CLEC16A: variants seen among roughly 807,000 people sequenced by gnomAD.
CLEC16A encodes the protein protein CLEC16A.
In CLEC16A, 51 loss-of-function variants were observed where a neutral mutation model predicts 109.5. The observed-to-expected ratio is 0.47, with a 90% CI of 0.37 to 0.59. The LOEUF (loss-of-function observed/expected upper bound fraction) is 0.59, where lower values mean the gene tolerates loss of function less well. Among genes scored for constraint, CLEC16A ranks in the 20% least tolerant of loss-of-function variants. The pLI, the probability that CLEC16A is intolerant of heterozygous loss-of-function variation, is 0.00. For missense variants in CLEC16A, 1,339 were observed against 1,394.0 expected, an observed-to-expected ratio of 0.96 and a Z score of 0.63; for synonymous variants, 673 against 564.2, an observed-to-expected ratio of 1.19 and a Z score of -2.73.
chr16:11,099,133 CA>C (rs760950284), intron 19 of CLEC16A, among the ~76,000 whole-genome samples: 18 of 152,258 alleles, frequency 1.2e-4, no homozygotes, highest in Non-Finnish European at 1.9e-4. Context: ...CAGAGCGCCC[CA>C]TTCCTTCCAG....
intron 19 of CLEC16A, among the ~76,000 whole-genome samples, chr16:11,083,811 G>A (rs1337178976): frequency 6.6e-6 from 1 of 152,222 alleles, no homozygotes; most frequent in Non-Finnish European, 1.5e-5. Flanking sequence ...GGGAGGCAGG[G>A]AGGCTGGCCC....
intron 19 of CLEC16A, among the ~76,000 whole-genome samples, chr16:11,068,378 C>G (rs1019090472): frequency 6.6e-6 from 1 of 152,126 alleles, no homozygotes. Flanking sequence ...ATCGTAAAAA[C>G]CTAGCTATCA....
Position 11,112,246 on chromosome 16 carries a change from T to G in CLEC16A, c.2117-8369T>G, listed in dbSNP as rs79135577. Among the ~76,000 whole-genome samples, 289 of 152,316 alleles carry G rather than the reference T, an allele frequency of 1.9e-3. 3 individuals carry two copies. The East Asian group carries it at 0.048, about 25-fold the overall frequency. ...AACAAGAGCCCGTGCAGTGGTTGCCTCTGCAGAGGGGCACAGGAGACACTT... is the reference window on the plus strand; with the variant it reads ...AACAAGAGCCCGTGCAGTGGTTGCCGCTGCAGAGGGGCACAGGAGACACTT... On this transcript the variant is annotated intron_variant, in intron 19 of 23. Coordinates refer to ENST00000409790, the MANE Select transcript of CLEC16A (RefSeq NM_015226.3).
At chr16:11,015,181 G>T (rs1194460715) in intron 11 of CLEC16A, among the ~76,000 whole-genome samples, 4 of 152,192 alleles carry the variant, frequency 2.6e-5, no homozygotes, top group Non-Finnish European at 5.9e-5. Flanking sequence ...AGAAAATTAA[G>T]TGGAGCCACT....
At position 11,021,737 on chromosome 16, in the gene CLEC16A, C is replaced by T. The variant is rs550004998; in HGVS notation, c.1436+1412C>T. 1.6e-4 allele frequency among the ~76,000 whole-genome samples: 24 copies of T among 152,244 alleles called. No individual in the cohort carries two copies. The South Asian group carries it at 5.0e-3, about 32-fold the overall frequency. ...GCTTGAGCCAGAGAGGTCAAGGCTG[C>T]AATGCACTATGATTGCACCACTGCA... is the stretch of plus-strand genomic sequence containing the variant. On this transcript the variant is annotated intron_variant, in intron 12 of 23. Coordinates refer to ENST00000409790, the MANE Select transcript of CLEC16A (RefSeq NM_015226.3).
chr16:10,980,902 C>G (rs1006144183), intron 9 of CLEC16A, among the ~76,000 whole-genome samples: 1 of 152,200 alleles, frequency 6.6e-6, no homozygotes, highest in Non-Finnish European at 1.5e-5. Context: ...AATTATTTTA[C>G]AAGCATAGCT....
intron 22 of CLEC16A, among the ~76,000 whole-genome samples, chr16:11,139,720 G>C (rs747627815): frequency 1.3e-5 from 2 of 152,228 alleles, no homozygotes; most frequent in Admixed American, 1.3e-4. Context: ...GATTTGGGGA[G>C]CAGATGCTTC....
intron 3 of CLEC16A, among the ~76,000 whole-genome samples, chr16:10,967,696 A>G (rs1040897933): frequency 6.6e-6 from 1 of 152,144 alleles, no homozygotes; most frequent in Non-Finnish European, 1.5e-5. Flanking sequence ...CATTTTCTCC[A>G]TTAACTCTTA....
Position 11,123,865 on chromosome 16 carries a change from C to G in CLEC16A, c.2392C>G (p.His798Asp). The change falls in exon 21 of 24, where the codon CAC becomes GAC. Residue 798 changes from histidine (H) to aspartate (D), a missense_variant. Transcript: ENST00000409790. Reference protein sequence around the residue: ...ILQATFIFSDHIRCIIAKQRL... With the variant: ...ILQATFIFSDDIRCIIAKQRL... ...CCAGGCCACCTTCATCTTCTCAGAC[C>G]ACATCCGCTGCATCATCGCCAAGCA... 1 of 1,614,012 alleles carries G rather than the reference C, an allele frequency of 6.2e-7. No individual in the cohort carries two copies. Among genetic ancestry groups the G allele is most frequent in the Non-Finnish European group, 8.5e-7 (1 of 1,179,894 alleles).
chr16:11,108,746 G>A (rs958160014), intron 19 of CLEC16A, among the ~76,000 whole-genome samples: 1 of 152,176 alleles, frequency 6.6e-6, no homozygotes, highest in Admixed American at 6.5e-5. Flanking sequence ...CATGTCAAGT[G>A]GAAAGTTGGG....
At chr16:11,072,821 G>C (rs912375940) in intron 19 of CLEC16A, among the ~76,000 whole-genome samples, 1 of 152,128 alleles carries the variant, frequency 6.6e-6, no homozygotes, top group Non-Finnish European at 1.5e-5. Flanking sequence ...CTCTTTGGAG[G>C]GTTCTTTGTC....
intron 19 of CLEC16A, among the ~76,000 whole-genome samples, chr16:11,064,726 C>T (rs1313064200): frequency 1.3e-5 from 2 of 152,118 alleles, no homozygotes; most frequent in African/African-American, 4.8e-5. Flanking sequence ...GCAGTGAACC[C>T]TGATCATGCC....
At chr16:11,170,501 C>T (rs2092390279) in intron 23 of CLEC16A, among the ~76,000 whole-genome samples, 1 of 152,220 alleles carries the variant, frequency 6.6e-6, no homozygotes, top group African/African-American at 2.4e-5. Flanking sequence ...CAAACACGTT[C>T]TCACCTTCCC....
chr16:11,078,267 C>G (rs1481301081), intron 19 of CLEC16A, among the ~76,000 whole-genome samples: 2 of 152,208 alleles, frequency 1.3e-5, no homozygotes, highest in South Asian at 4.1e-4. Flanking sequence ...CCAGAAGGTT[C>G]TGAGTCACTG....
intron 17 of CLEC16A, chr16:11,047,915 A>C (rs2047718454): frequency 6.6e-6 from 1 of 152,288 alleles, no homozygotes; most frequent in Non-Finnish European, 1.5e-5. Context: ...GATGCTTAGA[A>C]AACCATCAGA....
At chr16:11,003,451 C>T in intron 11 of CLEC16A, 146 bp downstream of exon 11, 1 of 666,874 alleles carries the variant, frequency 1.5e-6, no homozygotes. Context: ...TGGCGTACCT[C>T]ATTCTATACA....
At chr16:11,028,621 T>A (rs1436311361) in intron 13 of CLEC16A, among the ~76,000 whole-genome samples, 1 of 151,924 alleles carries the variant, frequency 6.6e-6, no homozygotes, top group Non-Finnish European at 1.5e-5. Flanking sequence ...TTTAAGCAAA[T>A]CAGCTTATTT....
At position 11,084,071 on chromosome 16, in the gene CLEC16A, C is replaced by T. The variant is rs569964082; in HGVS notation, c.2116+23049C>T. ...ACACTGAGCCCTCTCTCCAGCCCCG[C>T]GGCCTGGCTCTGGGATGTACCCATA... is the stretch of plus-strand genomic sequence containing the variant. On this transcript the variant is annotated intron_variant, in intron 19 of 23. Transcript: ENST00000409790. 4.6e-5 allele frequency among the ~76,000 whole-genome samples: 7 copies of T among 152,242 alleles called. No individual in the cohort carries two copies. In the South Asian group the frequency reaches 6.2e-4, roughly 14 times the overall value.
At chr16:11,105,143 T>C (rs1268253693) in intron 19 of CLEC16A, among the ~76,000 whole-genome samples, 2 of 152,224 alleles carry the variant, frequency 1.3e-5, no homozygotes, top group African/African-American at 4.8e-5. Context: ...TTATGCAATG[T>C]ACTATGCAAA....
Sources: gnomAD v4.1 joint callset for allele counts (sites outside exome capture counted in the v4.1 genomes callset) on GRCh38, gnomAD v4.1.1 for gene constraint, MANE v1.5 for transcripts, NCBI Gene and HGNC (gene_info 2026-07-23, HGNC 2026-07-21) for gene names.